EHBP1L1: variants seen among roughly 807,000 people sequenced by gnomAD.
EHBP1L1 encodes the protein EH domain-binding protein 1-like protein 1.
Under a neutral mutation model 151.1 loss-of-function variants are expected in EHBP1L1, and 122 were observed. The observed-to-expected ratio is 0.81, with a 90% CI of 0.70 to 0.94. The LOEUF is 0.94. EHBP1L1 is among the 40% of genes least tolerant of loss of function. EHBP1L1 has a pLI of 0.00. For missense variants in EHBP1L1, 1,941 were observed against 1,959.8 expected (o/e 0.99, Z 0.18); for synonymous variants, 878 against 810.1 (o/e 1.08, Z -1.42).
At position 65,585,154 on chromosome 11, in the gene EHBP1L1, C is replaced by A; in HGVS notation, c.3496C>A (p.Gln1166Lys). The change falls in exon 12 of 19, where the codon CAG becomes AAG. Residue 1166 changes from glutamine to lysine, a missense_variant. Coordinates refer to ENST00000309295, the MANE Select transcript of EHBP1L1 (RefSeq NM_001099409.3). This position sits in a 1 kb window ranked among gnomAD's most constrained non-coding sequence, Gnocchi z 4.0. ...CGGCACGTACCGCGTGGGCAGCGCC[C>A]AGCCCAGCCCGCCCGACGACCTGGA... Reference protein sequence around the residue: ...GAGTYRVGSAQPSPPDDLDAG... With the variant: ...GAGTYRVGSAKPSPPDDLDAG... The A allele has an allele frequency of 7.2e-7, 1 of 1,381,352 alleles. No individual in the cohort carries two copies. The highest frequency in any genetic ancestry group is 1.6e-5 in the South Asian group (1 of 63,760). The allele number at this position is 1,381,352 out of a possible 1,614,324, so 85.6% of individuals were successfully genotyped here.
chr11:65,589,026 A>G (rs982147574), intron 12 of EHBP1L1, among the ~76,000 whole-genome samples: 2 of 152,150 alleles, frequency 1.3e-5, no homozygotes, highest in Non-Finnish European at 2.9e-5. Context: ...GGGCAGTGCA[A>G]TGGTCACTGC....
Position 65,589,920 on chromosome 11 carries a change from T to C in EHBP1L1, c.4004-16T>C, listed in dbSNP as rs1463391446. The C allele has an allele frequency of 1.3e-6, 2 of 1,549,260 alleles. No individual in the cohort carries two copies. The highest frequency in any genetic ancestry group is 1.7e-6 in the Non-Finnish European group (2 of 1,144,036). On this transcript the variant is annotated splice_polypyrimidine_tract_variant and intron_variant, in intron 13 of 18. Coordinates refer to ENST00000309295, the MANE Select transcript of EHBP1L1 (RefSeq NM_001099409.3). ...GTGGTGGTTAGGGGGTGCCTTATCA[T>C]CATCTCTGTCTGCAGGTGGGAGTTC... is the stretch of plus-strand genomic sequence containing the variant.
In EHBP1L1 at chr11:65,584,939, C is replaced by T. The variant is rs1857857555; in HGVS notation, c.3301-20C>T. The T allele has an allele frequency of 1.3e-6, 2 of 1,532,440 alleles. No homozygotes were observed. 94.9% of individuals were successfully genotyped at this position (1,532,440 alleles called of 1,614,324 possible). A position where few individuals can be genotyped will look rare whatever the true frequency, so the allele number is the denominator to read the frequency against. On this transcript the variant is annotated intron_variant, in intron 11 of 18. Transcript: ENST00000309295. The stretch of plus-strand genomic sequence containing the variant: ...CGCGGGCCACCGCCGCCGCTGACCC[C>T]GAGTGCACCCTTCCCCTAGGCCTTC...
intron 1 of EHBP1L1, among the ~76,000 whole-genome samples, chr11:65,577,811 G>T (rs1466587778): frequency 1.3e-5 from 2 of 152,188 alleles, no homozygotes; most frequent in South Asian, 2.1e-4. Flanking sequence ...GTGTAAACTT[G>T]TTTGGCTCCA....
chr11:65,582,681 T>C lies in EHBP1L1; in HGVS notation c.2009T>C (p.Ile670Thr). ...GSGVLQTRTT[I>T]AETEVLVTQE... The stretch of plus-strand genomic sequence containing the variant: ...GGAGTTTTGCAGACAAGAACTACGA[T>C]AGCAGAGACTGAGGTACTGGTGACC... The change falls in exon 9 of 19, where the codon ATA (isoleucine) becomes ACA (threonine). Residue 670 changes from isoleucine to threonine, a missense_variant. Transcript: ENST00000309295. The C allele has an allele frequency of 3.7e-6, 6 of 1,613,528 alleles. No homozygotes were observed. The highest frequency in any genetic ancestry group is 5.1e-6 in the Non-Finnish European group (6 of 1,179,816).
intron 15 of EHBP1L1, 126 bp from the exon 16 acceptor site, chr11:65,590,367 C>CCT: frequency 6.7e-7 from 1 of 1,494,286 alleles, no homozygotes; most frequent in Non-Finnish European, 9.0e-7. Flanking sequence ...GAAGTGGCTT[C>CCT]CTCGAGGCAC....
rs749574278 is a variant in EHBP1L1, at chr11:65,582,899, A to G, written c.2227A>G (p.Ile743Val). 7 of 1,613,484 alleles carry G rather than the reference A, an allele frequency of 4.3e-6. No individual in the cohort carries two copies. The highest frequency in any genetic ancestry group is 1.3e-5 in the African/African-American group (1 of 74,878). ...DSGVREIEAE[I>V]AESDILVAQE... is the part of the protein sequence containing the mutation. ...AGGGGTCAGAGAGATAGAAGCAGAG[A>G]TAGCAGAGTCTGACATATTGGTAGC... The change falls in exon 9 of 19, where the codon ATA (isoleucine) becomes GTA (valine). Residue 743 changes from isoleucine (I) to valine (V), a missense_variant. Coordinates refer to ENST00000309295, the MANE Select transcript of EHBP1L1 (RefSeq NM_001099409.3).
At position 65,580,978 on chromosome 11, in the gene EHBP1L1, G is replaced by A. The variant is rs944246035; in HGVS notation, c.635-80G>A. 8 of 1,525,560 alleles carry A rather than the reference G, an allele frequency of 5.2e-6. No homozygotes were observed. In the East Asian group the frequency reaches 1.7e-4, roughly 33 times the overall value. 94.5% of individuals were successfully genotyped at this position (1,525,560 alleles called of 1,614,324 possible). The stretch of plus-strand genomic sequence containing the variant: ...GCGTTTCCCAGGTAGGACCTGCACT[G>A]TAGTTGGGGGAGGGGGTCAGGCCTG... On this transcript the variant is annotated intron_variant, in intron 6 of 18. Transcript: ENST00000309295.
At chr11:65,581,408 C>T (rs967637456) in intron 8 of EHBP1L1, 35 bp downstream of exon 8, 5 of 1,499,228 alleles carry the variant, frequency 3.3e-6, no homozygotes, top group Non-Finnish European at 4.4e-6. Context: ...CCCCATTGCC[C>T]CCTGATAGGA....
intron 12 of EHBP1L1, among the ~76,000 whole-genome samples, chr11:65,587,855 A>G (rs1385269189): frequency 6.6e-6 from 1 of 152,184 alleles, no homozygotes; most frequent in Non-Finnish European, 1.5e-5. Context: ...TCATCTGTAA[A>G]GTGGGGAGGG....
Position 65,583,553 on chromosome 11 carries a change from G to A in EHBP1L1, c.2881G>A (p.Val961Ile). 2 of 1,612,900 alleles carry A rather than the reference G, an allele frequency of 1.2e-6. No homozygotes were observed. The highest frequency in any genetic ancestry group is 1.7e-6 in the Non-Finnish European group (2 of 1,179,506). ...AWGAQEAEMK[V>I]LESPENKSGT... The stretch of plus-strand genomic sequence containing the variant: ...GGGGGCCCAGGAAGCAGAGATGAAG[G>A]TTTTAGAGTCTCCAGAGAACAAATC... The change falls in exon 9 of 19, where the codon GTT becomes ATT. Residue 961 changes from valine to isoleucine, a missense_variant. Val to Ile is a conservative substitution (Grantham distance 29). Transcript: ENST00000309295.
At chr11:65,583,991 G>T in intron 9 of EHBP1L1, 1 of 1,404,028 alleles carries the variant, frequency 7.1e-7, no homozygotes, top group Non-Finnish European at 9.2e-7. Flanking sequence ...GATTTTCTGG[G>T]CTGACTTTGA....
chr11:65,582,540 C>T lies in EHBP1L1; in HGVS notation c.1868C>T (p.Ala623Val). The T allele has an allele frequency of 2.5e-6, 4 of 1,613,332 alleles. No individual in the cohort carries two copies. Among genetic ancestry groups the T allele is most frequent in the Non-Finnish European group, 3.4e-6 (4 of 1,179,796 alleles). ...TCAAGGGTCCTGGAGTCAGAGGTTG[C>T]TGGGACAGCACAGTGTGAGGGACTG... ...ARSRVLESEV[A>V]GTAQCEGLET... Residue 623 changes from alanine to valine, a missense_variant, in exon 9 of 19, where the codon GCT becomes GTT. Coordinates refer to ENST00000309295, the MANE Select transcript of EHBP1L1 (RefSeq NM_001099409.3).
In EHBP1L1 at chr11:65,582,261, G is replaced by C. The variant is rs976716867; in HGVS notation, c.1589G>C (p.Gly530Ala). 2.0e-6 allele frequency: 3 copies of C among 1,526,770 alleles called. No individual in the cohort carries two copies. Among genetic ancestry groups the C allele is most frequent in the African/African-American group, 2.8e-5 (2 of 71,822 alleles). The allele number at this position is 1,526,770 out of a possible 1,614,324, so 94.6% of individuals were successfully genotyped here. A position where few individuals can be genotyped will look rare whatever the true frequency, so the allele number is the denominator to read the frequency against. The change falls in exon 9 of 19, where the codon GGA becomes GCA. Residue 530 changes from glycine to alanine, a missense_variant. Coordinates refer to ENST00000309295, the MANE Select transcript of EHBP1L1 (RefSeq NM_001099409.3). ...GTGLEQGPSVGAISTRPQVSS... is the reference protein window; with the variant it reads ...GTGLEQGPSVAAISTRPQVSS... The stretch of plus-strand genomic sequence containing the variant: ...GGCCTGGAGCAGGGCCCTTCTGTTG[G>C]AGCAATAAGCACCAGGCCCCAGGTG...
At chr11:65,591,763 G>GCC in intron 16 of EHBP1L1, 37 bp from the exon 17 acceptor site, 11 of 1,128,584 alleles carry the variant, frequency 9.7e-6, no homozygotes, top group South Asian at 2.6e-5. Flanking sequence ...TTCCTGAACT[G>GCC]CCACCCCCCC....
chr11:65,577,155 C>T (rs1857369634), intron 1 of EHBP1L1, among the ~76,000 whole-genome samples: 2 of 152,124 alleles, frequency 1.3e-5, no homozygotes, highest in South Asian at 4.1e-4. Context: ...CTGCCCAGGC[C>T]CCTGCGTCAC....
intron 11 of EHBP1L1, 159 bp from the exon 12 acceptor site, chr11:65,584,800 G>C (rs1857846376): frequency 4.6e-6 from 5 of 1,085,720 alleles, no homozygotes; most frequent in Non-Finnish European, 6.5e-6. Flanking sequence ...ACGCGAGGGC[G>C]GGCCTTGTTG....
At position 65,585,542 on chromosome 11, in the gene EHBP1L1, C is replaced by A; in HGVS notation, c.3884C>A (p.Ser1295Ter). The change falls in exon 12 of 19, where the codon TCG (serine) becomes TAG (stop). Residue 1295 changes from serine to a stop codon, truncating the protein, a stop_gained. Coordinates refer to ENST00000309295, the MANE Select transcript of EHBP1L1 (RefSeq NM_001099409.3). LOFTEE classifies it high-confidence loss of function. The surrounding 1 kb of genome is among the most constrained non-coding windows in gnomAD (Gnocchi z 4.0). ...CGCTCGCGGCTGCGGAACAGCAGCTCGTTCTCGATGGACGATCCGGACGCG... is the reference window on the plus strand; with the variant it reads ...CGCTCGCGGCTGCGGAACAGCAGCTAGTTCTCGATGGACGATCCGGACGCG... Reference protein sequence around the residue: ...KRRSRLRNSSSFSMDDPDAGA... With the variant: ...KRRSRLRNSS The A allele has an allele frequency of 1.3e-6, 2 of 1,578,978 alleles. No individual in the cohort carries two copies. Among genetic ancestry groups the A allele is most frequent in the African/African-American group, 1.3e-5 (1 of 74,438 alleles).
rs570326167 is a variant in EHBP1L1, at chr11:65,581,218, C to G, written c.711C>G (p.Ser237Arg). The change falls in exon 8 of 19, where the codon AGC becomes AGG. Residue 237 changes from serine (S) to arginine (R), a missense_variant. Physicochemically the swap from Ser to Arg is moderately radical, Grantham distance 110. Coordinates refer to ENST00000309295, the MANE Select transcript of EHBP1L1 (RefSeq NM_001099409.3). ...GQGRPQQAVA[S>R]PSNAEDTSPA... The stretch of plus-strand genomic sequence containing the variant: ...CCCCCTCTTTCTTCTCAGTTGCCAG[C>G]CCTTCTAATGCTGAGGATACCAGCC... 14 of 1,609,286 alleles carry G rather than the reference C, an allele frequency of 8.7e-6. No individual in the cohort carries two copies. The South Asian group carries it at 9.9e-5, about 11-fold the overall frequency.
Sources: allele counts gnomAD v4.1 joint callset (sites outside exome capture counted in the v4.1 genomes callset), GRCh38; gene constraint gnomAD v4.1.1; non-coding constraint Gnocchi (gnomAD v3.1); transcripts MANE v1.5; gene names NCBI Gene and HGNC (gene_info 2026-07-23, HGNC 2026-07-21).